JAM3: variants seen among roughly 807,000 people sequenced by gnomAD.
The protein encoded by JAM3 is junctional adhesion molecule 3.
JAM3 carries 31 observed loss-of-function variants against 39.4 expected under a neutral mutation model. The observed-to-expected ratio is 0.79, with a 90% confidence interval of 0.59 to 1.06. The LOEUF is 1.06. Ranked by LOEUF, JAM3 falls within the 50% of genes least tolerant of loss-of-function variation. The pLI is 0.00. For missense variants in JAM3, 455 were observed against 391.4 expected (o/e 1.16, Z -1.37); for synonymous variants, 182 against 148.7 (o/e 1.22, Z -1.63).
Position 134,149,127 on chromosome 11 carries a change from CTGTG to C in JAM3, c.898-15_898-12del. 6.2e-7 allele frequency: 1 copy of C among 1,608,864 alleles called. No homozygotes were observed. Among genetic ancestry groups the C allele is most frequent in the Admixed American group, 1.7e-5 (1 of 59,500 alleles). Reference sequence around the variant, plus strand: ...CCACCAGGCCCCTTGATGGCTCTAACTGTGTGTTGGCTTTGCAGGGCGACTTCAG... The same window carrying C: ...CCACCAGGCCCCTTGATGGCTCTAACTGTTGGCTTTGCAGGGCGACTTCAG... On this transcript the variant is annotated splice_polypyrimidine_tract_variant and intron_variant, in intron 8 of 8. Coordinates refer to ENST00000299106, the MANE Select transcript of JAM3 (RefSeq NM_032801.5).
At chr11:134,080,909 A>T (rs2120592731) in intron 1 of JAM3, among the ~76,000 whole-genome samples, 1 of 152,272 alleles carries the variant, frequency 6.6e-6, no homozygotes, top group East Asian at 1.9e-4. Flanking sequence ...CAAAATGCTG[A>T]TATTGATATG....
intron 1 of JAM3, among the ~76,000 whole-genome samples, chr11:134,125,046 G>T (rs536656298): frequency 6.6e-6 from 1 of 152,154 alleles, no homozygotes; most frequent in Admixed American, 6.5e-5. Context: ...GCGTCTCCAC[G>T]AGTCTGTCTT....
At chr11:134,098,302 G>A (rs1427626017) in intron 1 of JAM3, among the ~76,000 whole-genome samples, 1 of 152,100 alleles carries the variant, frequency 6.6e-6, no homozygotes, top group Non-Finnish European at 1.5e-5. Flanking sequence ...AAAACTAAGA[G>A]CAATGCCAAA....
Position 134,123,984 on chromosome 11 carries a change from G to T in JAM3, c.77-15867G>T, listed in dbSNP as rs1033415709. ...GTACTTCATTCCATATTCAATCAAA[G>T]CAAGTGCAACCAGCACAGGTGCCCT... On this transcript the variant is annotated intron_variant, in intron 1 of 8. Coordinates refer to ENST00000299106, the MANE Select transcript of JAM3 (RefSeq NM_032801.5). The T allele has an allele frequency of 5.3e-6, 8 of 1,515,448 alleles. No individual in the cohort carries two copies. In the African/African-American group the frequency reaches 1.1e-4, roughly 21 times the overall value. 93.9% of individuals were successfully genotyped at this position (1,515,448 alleles called of 1,614,324 possible). A position where few individuals can be genotyped will look rare whatever the true frequency, so the allele number is the denominator to read the frequency against.
intron 1 of JAM3, among the ~76,000 whole-genome samples, chr11:134,070,806 T>C (rs1308098942): frequency 2.0e-5 from 3 of 152,270 alleles, no homozygotes; most frequent in Non-Finnish European, 4.4e-5. Flanking sequence ...AGAGCTTCAC[T>C]TACCCTTAAC....
At chr11:134,118,573 G>C (rs987804474) in intron 1 of JAM3, among the ~76,000 whole-genome samples, 1 of 151,934 alleles carries the variant, frequency 6.6e-6, no homozygotes, top group Non-Finnish European at 1.5e-5. Context: ...GCCTCCCCCT[G>C]CCTGTCTCCC....
At chr11:134,115,481 T>C (rs562738493) in intron 1 of JAM3, among the ~76,000 whole-genome samples, 1 of 152,318 alleles carries the variant, frequency 6.6e-6, no homozygotes, top group South Asian at 2.1e-4. Flanking sequence ...TTTGGTCTTT[T>C]TTGTTGGTTT....
In JAM3 at chr11:134,099,054, G is replaced by A. The variant is rs138921073; in HGVS notation, c.76+29895G>A. ...ATCTCTGCAAAAAATACAAAAATTA[G>A]CCATGTGTGGTGGTGCATGCCTGTA... On this transcript the variant is annotated intron_variant, in intron 1 of 8. Transcript: ENST00000299106. 1.0e-3 allele frequency among the ~76,000 whole-genome samples: 153 copies of A among 152,168 alleles called. 2 individuals carry two copies. In the East Asian group the frequency reaches 0.023, roughly 23 times the overall value.
intron 1 of JAM3, among the ~76,000 whole-genome samples, chr11:134,101,719 C>CT (rs1942076799): frequency 6.6e-6 from 1 of 152,036 alleles, no homozygotes; most frequent in Non-Finnish European, 1.5e-5. Flanking sequence ...CTTATTTATT[C>CT]TTTTTCCTCC....
chr11:134,150,006 T>C lies in JAM3; in HGVS notation c.*825T>C, dbSNP rs7936421. The C allele has an allele frequency of 0.16, 24,173 of 155,548 alleles. 2,015 individuals carry two copies. Among genetic ancestry groups the C allele is most frequent in the African/African-American group, 0.22 (9,145 of 41,554 alleles). The allele number at this position is 155,548 out of a possible 1,614,324, so 9.6% of individuals were successfully genotyped here. A position where few individuals can be genotyped will look rare whatever the true frequency, so the allele number is the denominator to read the frequency against. On this transcript the variant is annotated 3_prime_UTR_variant, in exon 9 of 9. Transcript: ENST00000299106. ...AAACTGTAAATATATTGTCATACAA[T>C]GTTAAATAACCTATTTTTTTAAAAA...
chr11:134,135,226 G>T (rs1942842934), intron 1 of JAM3, among the ~76,000 whole-genome samples: 1 of 152,164 alleles, frequency 6.6e-6, no homozygotes, highest in South Asian at 2.1e-4. Flanking sequence ...CTTCATCATT[G>T]TGCATGTGGA....
intron 1 of JAM3, among the ~76,000 whole-genome samples, chr11:134,122,191 G>T (rs1015772763): frequency 6.6e-6 from 1 of 152,150 alleles, no homozygotes; most frequent in Admixed American, 6.5e-5. Context: ...AACATTTGAG[G>T]TATCATCAGT....
chr11:134,105,726 C>A (rs1942171205), intron 1 of JAM3, among the ~76,000 whole-genome samples: 1 of 149,234 alleles, frequency 6.7e-6, no homozygotes, highest in Non-Finnish European at 1.5e-5. Context: ...ACAGCCAAAT[C>A]ATGAGTGAAC....
chr11:134,125,166 C>T (rs561217330), intron 1 of JAM3, among the ~76,000 whole-genome samples: 2 of 152,210 alleles, frequency 1.3e-5, no homozygotes, highest in South Asian at 2.1e-4. Context: ...ACAGCCCGGC[C>T]GATCGTGCCG....
intron 1 of JAM3, among the ~76,000 whole-genome samples, chr11:134,089,848 G>T (rs1240324965): frequency 6.6e-6 from 1 of 152,084 alleles, no homozygotes; most frequent in African/African-American, 2.4e-5. Flanking sequence ...TGGGTCAAAT[G>T]GTATTTCTAG....
At chr11:134,140,995 C>T (rs187241715) in intron 3 of JAM3, among the ~76,000 whole-genome samples, 1 of 152,108 alleles carries the variant, frequency 6.6e-6, no homozygotes, top group East Asian at 1.9e-4. Context: ...TCAACAAGTG[C>T]AGTTCATTAG....
intron 1 of JAM3, among the ~76,000 whole-genome samples, chr11:134,105,915 C>T (rs1459544952): frequency 6.6e-6 from 1 of 152,146 alleles, no homozygotes; most frequent in East Asian, 1.9e-4. Flanking sequence ...TGAAAATGGC[C>T]ATACCGCCGA....
intron 1 of JAM3, among the ~76,000 whole-genome samples, chr11:134,092,436 T>C (rs1398383005): frequency 8.2e-5 from 8 of 97,294 alleles, no homozygotes; most frequent in Non-Finnish European, 1.6e-4. Flanking sequence ...CGTCACTTCC[T>C]GAGGGAAGCT....
chr11:134,089,896 A>T (rs1037920685), intron 1 of JAM3, among the ~76,000 whole-genome samples: 1 of 152,182 alleles, frequency 6.6e-6, no homozygotes, highest in Non-Finnish European at 1.5e-5. Context: ...TGACTTCCAC[A>T]ATGATTGAAC....
Sources: allele counts gnomAD v4.1 joint callset (sites outside exome capture counted in the v4.1 genomes callset), GRCh38; gene constraint gnomAD v4.1.1; transcripts MANE v1.5; gene names NCBI Gene and HGNC (gene_info 2026-07-23, HGNC 2026-07-21).